The following VPS8 variants were observed in gnomAD, a reference collection of about 807,000 sequenced individuals.
The protein encoded by VPS8 is VPS8 subunit of CORVET complex.
VPS8 carries 129 observed loss-of-function variants against 216.4 expected under a neutral mutation model. The ratio of observed to expected loss-of-function variants is 0.60; its 90% CI spans 0.52 to 0.69. The LOEUF (loss-of-function observed/expected upper bound fraction) is 0.69, where lower values mean the gene tolerates loss of function less well. VPS8 is among the 30% of genes least tolerant of loss of function. The probability of loss-of-function intolerance (pLI) is 0.00; values close to 1 mark genes in which losing one functional copy is unlikely to be tolerated. For synonymous variants in VPS8, 571 were observed against 565.4 expected, an observed-to-expected ratio of 1.01 and a Z score of -0.14; for missense variants, 1,531 against 1,683.5, an observed-to-expected ratio of 0.91 and a Z score of 1.59.
intron 28 of VPS8, chr3:184,919,239 T>A (rs942830124): frequency 2.6e-5 from 4 of 152,202 alleles, no homozygotes; most frequent in Admixed American, 1.3e-4. Flanking sequence ...ATTTTTAGTC[T>A]ACTGGGACAA....
chr3:184,876,860 T>C (rs1330718356), intron 21 of VPS8, among the ~76,000 whole-genome samples: 1 of 152,220 alleles, frequency 6.6e-6, no homozygotes, highest in Admixed American at 6.5e-5. Context: ...CTTACTGTAC[T>C]TCATTTCATT....
intron 30 of VPS8, among the ~76,000 whole-genome samples, chr3:184,925,563 G>T (rs1739439860): frequency 6.6e-6 from 1 of 152,112 alleles, no homozygotes; most frequent in African/African-American, 2.4e-5. Context: ...GGAAACTGAA[G>T]CCTGGAGAGA....
chr3:184,864,137 G>C (rs1389060871), intron 16 of VPS8, among the ~76,000 whole-genome samples: 1 of 150,756 alleles, frequency 6.6e-6, no homozygotes, highest in East Asian at 2.0e-4. Flanking sequence ...AGGAGAAGGA[G>C]AAGGGAGGGG....
At chr3:184,861,733 G>A (rs1013101184) in intron 15 of VPS8, among the ~76,000 whole-genome samples, 1 of 152,114 alleles carries the variant, frequency 6.6e-6, no homozygotes, top group South Asian at 2.1e-4. Context: ...GCAACGCTGC[G>A]GGTCTAATCT....
intron 45 of VPS8, among the ~76,000 whole-genome samples, chr3:185,002,135 C>A (rs948874513): frequency 6.6e-6 from 1 of 152,160 alleles, no homozygotes; most frequent in African/African-American, 2.4e-5. Flanking sequence ...ATTAGGCAAG[C>A]AAGGACCAAG....
At position 184,929,636 on chromosome 3, in the gene VPS8, A is replaced by T; in HGVS notation, c.2771A>T (p.Asp924Val). The T allele has an allele frequency of 1.3e-6, 2 of 1,530,364 alleles. No individual in the cohort carries two copies. Among genetic ancestry groups the T allele is most frequent in the Non-Finnish European group, 1.8e-6 (2 of 1,134,180 alleles). The allele number at this position is 1,530,364 out of a possible 1,614,324, so 94.8% of individuals were successfully genotyped here. A position where few individuals can be genotyped will look rare whatever the true frequency, so the allele number is the denominator to read the frequency against. ...GAACACCAATATGATAAAATTATTG[A>T]TTGCTACTTACGTGACCCTCTGCGA... is the stretch of plus-strand genomic sequence containing the variant. ...EREHQYDKII[D>V]CYLRDPLREE... The change falls in exon 33 of 48, where the codon GAT becomes GTT. Residue 924 changes from aspartate to valine, a missense_variant. Transcript: ENST00000625842.
intron 21 of VPS8, among the ~76,000 whole-genome samples, chr3:184,879,035 G>T (rs1578038820): frequency 6.6e-6 from 1 of 152,268 alleles, no homozygotes; most frequent in East Asian, 1.9e-4. Flanking sequence ...AAGAGAATTA[G>T]TACCATCGCT....
intron 21 of VPS8, among the ~76,000 whole-genome samples, chr3:184,880,920 A>G (rs1374182979): frequency 6.6e-6 from 1 of 152,134 alleles, no homozygotes; most frequent in Non-Finnish European, 1.5e-5. Flanking sequence ...TAATGATGTT[A>G]AACATCTTTT....
chr3:185,032,516 G>A (rs1360538074), intron 46 of VPS8, among the ~76,000 whole-genome samples: 1 of 152,180 alleles, frequency 6.6e-6, no homozygotes, highest in East Asian at 1.9e-4. Context: ...CCGATTCTCA[G>A]AAGCAACCCT....
chr3:185,043,675 C>T (rs1712200017), intron 46 of VPS8, among the ~76,000 whole-genome samples: 1 of 152,220 alleles, frequency 6.6e-6, no homozygotes, highest in African/African-American at 2.4e-5. Flanking sequence ...AAGCAGAACA[C>T]TAGTAGCTAT....
Position 184,924,985 on chromosome 3 carries a change from A to C in VPS8, c.2574+4A>C, listed in dbSNP as rs1437556683. ...AAACAGAACACTTTTTGATCAGGTA[A>C]GTGTCTAGCAGTGAAAACTAAAAGG... On this transcript the variant is annotated splice_donor_region_variant and intron_variant, in intron 30 of 47. Transcript: ENST00000625842. The C allele has an allele frequency of 6.2e-7, 1 of 1,610,920 alleles. No individual in the cohort carries two copies. The highest frequency in any genetic ancestry group is 1.7e-5 in the Admixed American group (1 of 59,366).
chr3:184,888,956 G>T (rs924526595), intron 22 of VPS8, among the ~76,000 whole-genome samples: 1 of 152,168 alleles, frequency 6.6e-6, no homozygotes, highest in African/African-American at 2.4e-5. Flanking sequence ...TAAAGTTGAA[G>T]TGGGCCTAAC....
At chr3:184,858,136 G>A (rs1725621278) in intron 14 of VPS8, among the ~76,000 whole-genome samples, 2 of 152,148 alleles carry the variant, frequency 1.3e-5, no homozygotes, top group South Asian at 4.1e-4. Flanking sequence ...GTGGTCGGGT[G>A]TATCTTGTGC....
intron 8 of VPS8, 159 bp from the exon 9 acceptor site, chr3:184,848,912 C>A: frequency 1.4e-6 from 1 of 709,800 alleles, no homozygotes. Flanking sequence ...CGCCCAGCAT[C>A]TGCTAGTTGC....
At chr3:185,036,586 T>A (rs1337791227) in intron 46 of VPS8, among the ~76,000 whole-genome samples, 1 of 152,100 alleles carries the variant, frequency 6.6e-6, no homozygotes, top group Non-Finnish European at 1.5e-5. Context: ...TTTCAGTTTT[T>A]TTTTTTAGTG....
intron 37 of VPS8, among the ~76,000 whole-genome samples, chr3:184,957,967 G>A (rs943143497): frequency 6.6e-6 from 1 of 152,188 alleles, no homozygotes; most frequent in Non-Finnish European, 1.5e-5. Flanking sequence ...AAGAATGTAT[G>A]TCCTGCTATC....
chr3:184,958,329 G>T (rs185899557), intron 37 of VPS8, among the ~76,000 whole-genome samples: 1 of 152,248 alleles, frequency 6.6e-6, no homozygotes, highest in East Asian at 1.9e-4. Flanking sequence ...TTGTAAGTGT[G>T]TTTCCGACAA....
intron 30 of VPS8, among the ~76,000 whole-genome samples, chr3:184,925,772 ATTTT>A (rs769693262): frequency 1.6e-5 from 2 of 121,514 alleles, no homozygotes; most frequent in Admixed American, 8.2e-5. Context: ...TTCTCTCTCT[ATTTT>A]TTTTTTTTTT....
intron 23 of VPS8, among the ~76,000 whole-genome samples, chr3:184,896,573 A>T (rs531983169): frequency 5.3e-4 from 81 of 152,224 alleles, no homozygotes; most frequent in Non-Finnish European, 9.4e-4. Context: ...AGAGTCAACA[A>T]TGGCCTCTTT....
Sources: gnomAD v4.1 joint callset for allele counts (sites outside exome capture counted in the v4.1 genomes callset) on GRCh38, gnomAD v4.1.1 for gene constraint, MANE v1.5 for transcripts, NCBI Gene and HGNC (gene_info 2026-07-23, HGNC 2026-07-21) for gene names.